The following CDK14 variants were observed in gnomAD, a reference collection of about 807,000 sequenced individuals.
CDK14 encodes cyclin-dependent kinase 14.
In CDK14, 34 loss-of-function variants were observed where a neutral mutation model predicts 60.7. That is an observed-to-expected ratio of 0.56 (90% CI 0.43 to 0.75). The LOEUF is 0.75. Ranked by LOEUF, CDK14 falls within the 30% of genes least tolerant of loss-of-function variation. The pLI, the probability that CDK14 is intolerant of heterozygous loss-of-function variation, is 0.00. For missense variants in CDK14, 482 were observed against 564.1 expected (o/e 0.85, Z 1.47); for synonymous variants, 197 against 203.7 (o/e 0.97, Z 0.28).
rs1444767741 is a variant in CDK14 at position 90,682,408 on chromosome 7, C to CAATCAT, written c.124-44158_124-44153dup. ...ACTAGCTTTGTTATTTTTTATCAAT[C>CAATCAT]AATCATCTGTCGGTCTATTGTGTGT... On this transcript the variant is annotated intron_variant, in intron 2 of 14. Transcript: ENST00000380050. 2.0e-4 allele frequency among the ~76,000 whole-genome samples: 31 copies of CAATCAT among 152,234 alleles called. No individual in the cohort carries two copies. The East Asian group carries it at 6.0e-3, about 29-fold the overall frequency.
At chr7:91,054,623 C>G (rs765909282) in intron 11 of CDK14, among the ~76,000 whole-genome samples, 1 of 152,112 alleles carries the variant, frequency 6.6e-6, no homozygotes, top group Non-Finnish European at 1.5e-5. Context: ...AGTTGAGAGT[C>G]GGTGTTTGCA....
chr7:90,966,169 C>T (rs537646827), intron 9 of CDK14, among the ~76,000 whole-genome samples: 1 of 152,130 alleles, frequency 6.6e-6, no homozygotes, highest in African/African-American at 2.4e-5. Context: ...CTTTCTTAAT[C>T]CTCTATTTTT....
intron 2 of CDK14, among the ~76,000 whole-genome samples, chr7:90,630,888 A>ATGTGTGTGTGTGTATG (rs1799980716): frequency 6.7e-6 from 1 of 148,364 alleles, no homozygotes; most frequent in African/African-American, 2.5e-5. Context: ...TGGGGTGTGT[A>ATGTGTGTGTGTGTATG]TGTGTGTGTG....
intron 5 of CDK14, among the ~76,000 whole-genome samples, chr7:90,803,925 G>T (rs1233917882): frequency 6.6e-6 from 1 of 152,166 alleles, no homozygotes; most frequent in Non-Finnish European, 1.5e-5. Context: ...TAGATATGGA[G>T]TTCACCTTGA....
intron 10 of CDK14, among the ~76,000 whole-genome samples, chr7:90,987,323 G>A (rs1388286292): frequency 1.3e-5 from 2 of 151,892 alleles, no homozygotes; most frequent in African/African-American, 2.4e-5. Flanking sequence ...AACTACCATT[G>A]CTCTTGTTAG....
chr7:90,716,269 A>T (rs890782394), intron 2 of CDK14: 1 of 152,016 alleles, frequency 6.6e-6, no homozygotes, highest in Non-Finnish European at 1.5e-5. Flanking sequence ...CACCCACACC[A>T]AAGGAGGACC....
chr7:90,988,883 A>G (rs1795450863), intron 10 of CDK14, among the ~76,000 whole-genome samples: 1 of 152,164 alleles, frequency 6.6e-6, no homozygotes, highest in Admixed American at 6.5e-5. Flanking sequence ...CTCCTGGCTT[A>G]TAATGAAATT....
At chr7:90,983,254 C>T (rs1311329748) in intron 9 of CDK14, among the ~76,000 whole-genome samples, 2 of 152,164 alleles carry the variant, frequency 1.3e-5, no homozygotes, top group African/African-American at 4.8e-5. Flanking sequence ...TACACATACT[C>T]ACGTATTCAC....
At chr7:90,954,152 G>GA (rs1381253711) in intron 8 of CDK14, among the ~76,000 whole-genome samples, 1 of 151,910 alleles carries the variant, frequency 6.6e-6, no homozygotes, top group African/African-American at 2.4e-5. Context: ...CTGACTGGTA[G>GA]AAAAAAATTA....
At chr7:91,048,784 G>C (rs908584495) in intron 11 of CDK14, among the ~76,000 whole-genome samples, 9 of 152,102 alleles carry the variant, frequency 5.9e-5, no homozygotes, top group African/African-American at 2.2e-4. Context: ...TATGTTTCAG[G>C]ATCATTTGTA....
intron 4 of CDK14, among the ~76,000 whole-genome samples, chr7:90,787,472 G>A (rs1805642705): frequency 6.6e-6 from 1 of 152,112 alleles, no homozygotes; most frequent in Non-Finnish European, 1.5e-5. Flanking sequence ...TTTATAAAAT[G>A]TTGGTATTTT....
intron 4 of CDK14, among the ~76,000 whole-genome samples, chr7:90,778,693 C>A (rs1261122416): frequency 6.6e-6 from 1 of 152,012 alleles, no homozygotes; most frequent in Non-Finnish European, 1.5e-5. Context: ...CTTTCCCTTC[C>A]TCCTTCTCTT....
intron 2 of CDK14, among the ~76,000 whole-genome samples, chr7:90,660,060 A>G (rs1023120831): frequency 2.0e-5 from 3 of 152,164 alleles, no homozygotes; most frequent in African/African-American, 7.2e-5. Flanking sequence ...TGGCATAGAT[A>G]TAAAGTAAAT....
At chr7:90,999,076 A>G (rs1795769422) in intron 10 of CDK14, among the ~76,000 whole-genome samples, 1 of 152,080 alleles carries the variant, frequency 6.6e-6, no homozygotes, top group South Asian at 2.1e-4. Context: ...TAAAGCCACC[A>G]GTTCCATCAT....
At chr7:90,667,214 C>T (rs1459405804) in intron 2 of CDK14, among the ~76,000 whole-genome samples, 1 of 152,090 alleles carries the variant, frequency 6.6e-6, no homozygotes, top group Non-Finnish European at 1.5e-5. Context: ...GGTATGACCT[C>T]AATAGTATTT....
At chr7:91,204,974 T>C (rs1184246740) in intron 14 of CDK14, among the ~76,000 whole-genome samples, 1 of 151,556 alleles carries the variant, frequency 6.6e-6, no homozygotes, top group Non-Finnish European at 1.5e-5. Flanking sequence ...CCCAACATCA[T>C]CGATCATTAG....
Position 90,803,416 on chromosome 7 carries a change from G to A in CDK14, c.544+12764G>A, listed in dbSNP as rs115930690. On this transcript the variant is annotated intron_variant, in intron 5 of 14. Coordinates refer to ENST00000380050, the MANE Select transcript of CDK14 (RefSeq NM_001287135.2). ...AGGTTTTGGCAGTAGGGATAGATAG[G>A]AGATAAATATGTTTGGAAGGGACTT... Among the ~76,000 whole-genome samples the A allele has an allele frequency of 3.5e-3, 531 of 152,284 alleles. 4 individuals carry two copies. The highest frequency in any genetic ancestry group is 0.012 in the African/African-American group (505 of 41,570).
intron 14 of CDK14, among the ~76,000 whole-genome samples, chr7:91,158,684 A>G (rs766863056): frequency 1.2e-4 from 18 of 152,238 alleles, no homozygotes; most frequent in Non-Finnish European, 2.5e-4. Flanking sequence ...TGCCATAGAA[A>G]GGAAGACTGT....
chr7:90,718,931 C>G (rs17623528), intron 2 of CDK14, among the ~76,000 whole-genome samples: 1 of 152,060 alleles, frequency 6.6e-6, no homozygotes, highest in Non-Finnish European at 1.5e-5. Flanking sequence ...GCTGAAATTA[C>G]TTTTATAAGG....
Sources: allele counts gnomAD v4.1 joint callset (sites outside exome capture counted in the v4.1 genomes callset), GRCh38; gene constraint gnomAD v4.1.1; transcripts MANE v1.5; gene names NCBI Gene and HGNC (gene_info 2026-07-23, HGNC 2026-07-21).